The following DLGAP2 variants were observed in gnomAD, a reference collection of about 807,000 sequenced individuals.
DLGAP2 encodes DLG associated protein 2, also known as disks large-associated protein 2.
DLGAP2 carries 26 observed loss-of-function variants against 100.3 expected under a neutral mutation model. The ratio of observed to expected loss-of-function variants is 0.26; its 90% CI spans 0.19 to 0.36. DLGAP2 has a LOEUF of 0.36. Among genes scored for constraint, DLGAP2 ranks in the 10% least tolerant of loss-of-function variants. DLGAP2 has a pLI of 1.00. For synonymous variants in DLGAP2, 886 were observed against 630.1 expected (o/e 1.41, Z -6.08); for missense variants, 1,858 against 1,453.2 (o/e 1.28, Z -4.53).
At chr8:1,389,847 G>A (rs1465148330) in intron 3 of DLGAP2, among the ~76,000 whole-genome samples, 2 of 152,068 alleles carry the variant, frequency 1.3e-5, no homozygotes, top group Non-Finnish European at 1.5e-5. Context: ...CCCAGACCCA[G>A]ATCTGCCTTT....
rs1798127387 is a variant in DLGAP2, at chr8:1,650,031, C to G, written c.1810+16985C>G. Reference sequence around the variant, plus strand: ...GAATTTCTGGAGAAAAAGCCCCACACCTTAAATATGCGGGCAGGTTACATT... The same window carrying G: ...GAATTTCTGGAGAAAAAGCCCCACAGCTTAAATATGCGGGCAGGTTACATT... On this transcript the variant is annotated intron_variant, in intron 8 of 14. Coordinates refer to ENST00000637795, the MANE Select transcript of DLGAP2 (RefSeq NM_001346810.2). Among the ~76,000 whole-genome samples the G allele has an allele frequency of 2.6e-5, 4 of 152,336 alleles. No homozygotes were observed. The South Asian group carries it at 8.3e-4, about 32-fold the overall frequency.
At chr8:1,375,408 C>T (rs1585313439) in intron 3 of DLGAP2, among the ~76,000 whole-genome samples, 1 of 62,026 alleles carries the variant, frequency 1.6e-5, no homozygotes, top group Non-Finnish European at 3.0e-5. Context: ...CACCTCTCCA[C>T]GACCTCAGAA....
chr8:1,328,614 G>A (rs533295710), intron 3 of DLGAP2, among the ~76,000 whole-genome samples: 1 of 152,196 alleles, frequency 6.6e-6, no homozygotes, highest in African/African-American at 2.4e-5. Flanking sequence ...GCCTCCTAAA[G>A]TGCTGGGATT....
intron 2 of DLGAP2, among the ~76,000 whole-genome samples, chr8:1,041,569 G>A (rs1042786394): frequency 5.5e-5 from 8 of 144,310 alleles, no homozygotes; most frequent in Non-Finnish European, 1.1e-4. Flanking sequence ...TGCCGTGGGT[G>A]AGTGTTCTCC....
chr8:1,426,135 G>C (rs1243659234), intron 3 of DLGAP2, among the ~76,000 whole-genome samples: 6 of 152,162 alleles, frequency 3.9e-5, no homozygotes, highest in African/African-American at 1.2e-4. Context: ...TCAGCTGCTG[G>C]AGAAACTCAC....
intron 2 of DLGAP2, among the ~76,000 whole-genome samples, chr8:946,457 G>A (rs533021414): frequency 1.4e-4 from 22 of 151,948 alleles, no homozygotes; most frequent in South Asian, 6.3e-4. Context: ...TAGAGACGGG[G>A]TTTCACCATA....
At chr8:812,145 A>G (rs1221555924) in intron 1 of DLGAP2, among the ~76,000 whole-genome samples, 3 of 152,218 alleles carry the variant, frequency 2.0e-5, no homozygotes, top group Non-Finnish European at 4.4e-5. Context: ...AGTGGCTTGC[A>G]CAATTGCAGG....
At chr8:822,185 A>T (rs1796596065) in intron 1 of DLGAP2, 1 of 399,286 alleles carries the variant, frequency 2.5e-6, no homozygotes, top group African/African-American at 2.1e-5. Context: ...CACAATGGGG[A>T]CTGCTCAGGT....
At chr8:897,551 G>A (rs1362187581) in intron 1 of DLGAP2, among the ~76,000 whole-genome samples, 1 of 152,156 alleles carries the variant, frequency 6.6e-6, no homozygotes, top group Non-Finnish European at 1.5e-5. Context: ...AAACATGGGC[G>A]CCCGGTAAGA....
At chr8:1,587,079 T>G (rs1395566604) in intron 6 of DLGAP2, among the ~76,000 whole-genome samples, 1 of 152,242 alleles carries the variant, frequency 6.6e-6, no homozygotes, top group Non-Finnish European at 1.5e-5. Context: ...GCTTATTGCC[T>G]GTTTCCCTAA....
At chr8:1,416,082 A>G (rs921630811) in intron 3 of DLGAP2, among the ~76,000 whole-genome samples, 3 of 152,248 alleles carry the variant, frequency 2.0e-5, no homozygotes, top group African/African-American at 7.2e-5. Context: ...ATTAGATGAC[A>G]AAAACATAGA....
intron 2 of DLGAP2, among the ~76,000 whole-genome samples, chr8:1,116,639 AT>A (rs1228091549): frequency 6.6e-6 from 1 of 152,126 alleles, no homozygotes; most frequent in African/African-American, 2.4e-5. Flanking sequence ...CTACAAAAAA[AT>A]AAAAACAGTT....
At chr8:1,282,641 C>G (rs36190679) in intron 3 of DLGAP2, among the ~76,000 whole-genome samples, 31,755 of 106,672 alleles carry the variant, frequency 0.3, 7,079 homozygotes, top group African/African-American at 0.34. Flanking sequence ...TGACCTGAAC[C>G]CAGCGCATGA....
intron 2 of DLGAP2, among the ~76,000 whole-genome samples, chr8:912,815 A>G: frequency 7.3e-6 from 1 of 137,822 alleles, no homozygotes; most frequent in East Asian, 2.1e-4. Context: ...GGCTTCCCAC[A>G]CCACAGTGTC....
chr8:1,518,259 C>G (rs1268303997), intron 4 of DLGAP2, among the ~76,000 whole-genome samples: 1 of 152,206 alleles, frequency 6.6e-6, no homozygotes, highest in Non-Finnish European at 1.5e-5. Flanking sequence ...AAATTGCATT[C>G]TGGCCCTAAT....
chr8:1,250,285 C>G lies in DLGAP2; in HGVS notation c.74-8566C>G, dbSNP rs563147902. 2.6e-5 allele frequency: 4 copies of G among 152,338 alleles called. No homozygotes were observed. In the South Asian group the frequency reaches 8.3e-4, roughly 32 times the overall value. The allele number at this position is 152,338 out of a possible 1,614,324, so 9.4% of individuals were successfully genotyped here. A position where few individuals can be genotyped will look rare whatever the true frequency, so the allele number is the denominator to read the frequency against. On this transcript the variant is annotated intron_variant, in intron 2 of 14. Coordinates refer to ENST00000637795, the MANE Select transcript of DLGAP2 (RefSeq NM_001346810.2). ...GACAATGGCGAGCAGAGAGGCTGAG[C>G]TGTGAGCTCACAGTTTGTCTCCAGA...
intron 2 of DLGAP2, among the ~76,000 whole-genome samples, chr8:1,254,254 G>A (rs574494949): frequency 5.3e-5 from 8 of 152,144 alleles, no homozygotes; most frequent in Non-Finnish European, 8.8e-5. Flanking sequence ...CCTGCCCTGG[G>A]GGAACCCCGG....
At chr8:1,174,994 G>C (rs1424326382) in intron 2 of DLGAP2, among the ~76,000 whole-genome samples, 1 of 152,074 alleles carries the variant, frequency 6.6e-6, no homozygotes. Flanking sequence ...ATGAAAATTA[G>C]ATATTTCCCT....
At chr8:873,027 ATG>A (rs146107696) in intron 1 of DLGAP2, among the ~76,000 whole-genome samples, 5,496 of 152,276 alleles carry the variant, frequency 0.036, 325 homozygotes, top group African/African-American at 0.13. Context: ...TGTAAGTACT[ATG>A]TGCATGTATG....
Sources: gnomAD v4.1 joint callset for allele counts (sites outside exome capture counted in the v4.1 genomes callset) on GRCh38, gnomAD v4.1.1 for gene constraint, MANE v1.5 for transcripts, NCBI Gene and HGNC (gene_info 2026-07-23, HGNC 2026-07-21) for gene names.